MACROD2: variants seen among roughly 807,000 people sequenced by gnomAD.
MACROD2 encodes the protein mono-ADP ribosylhydrolase 2.
Under a neutral mutation model 70.4 loss-of-function variants are expected in MACROD2, and 36 were observed. The observed-to-expected ratio is 0.51, with a 90% CI of 0.39 to 0.68. MACROD2 has a LOEUF of 0.68. Among genes scored for constraint, MACROD2 ranks in the 30% least tolerant of loss-of-function variants. The pLI is 0.00. For synonymous variants in MACROD2, 172 were observed against 178.8 expected, an observed-to-expected ratio of 0.96 and a Z score of 0.30; for missense variants, 496 against 538.4, an observed-to-expected ratio of 0.92 and a Z score of 0.78.
At chr20:16,047,942 C>T (rs59959122) in intron 17 of MACROD2, among the ~76,000 whole-genome samples, 5,699 of 152,186 alleles carry the variant, frequency 0.037, 179 homozygotes, top group South Asian at 0.16. Context: ...CTTGGATCTG[C>T]GCCAGGTACT....
intron 8 of MACROD2, among the ~76,000 whole-genome samples, chr20:15,544,205 C>A (rs779854564): frequency 6.6e-6 from 1 of 152,158 alleles, no homozygotes; most frequent in Non-Finnish European, 1.5e-5. Flanking sequence ...AGTATTGATT[C>A]TTTGCCTGGA....
chr20:15,864,108 C>T (rs1162238629), intron 9 of MACROD2, among the ~76,000 whole-genome samples: 1 of 152,000 alleles, frequency 6.6e-6, no homozygotes, highest in Non-Finnish European at 1.5e-5. Flanking sequence ...CACCTTTCTT[C>T]ATTTTTTTCA....
intron 5 of MACROD2, among the ~76,000 whole-genome samples, chr20:15,199,322 A>C (rs1337235073): frequency 1.3e-5 from 2 of 152,052 alleles, no homozygotes; most frequent in African/African-American, 4.8e-5. Context: ...GCACCAATGC[A>C]CTCCAGCCTA....
At chr20:14,410,264 C>T (rs548578892) in intron 3 of MACROD2, among the ~76,000 whole-genome samples, 104 of 145,456 alleles carry the variant, frequency 7.1e-4, no homozygotes, top group South Asian at 3.5e-3. Context: ...AGGGAGTACA[C>T]GTGTAAGTCT....
intron 8 of MACROD2, among the ~76,000 whole-genome samples, chr20:15,800,037 C>T (rs2063710048): frequency 6.6e-6 from 1 of 151,924 alleles, no homozygotes; most frequent in Non-Finnish European, 1.5e-5. Flanking sequence ...CTTGATGACT[C>T]ATGATGTTGA....
intron 6 of MACROD2, among the ~76,000 whole-genome samples, chr20:15,311,442 C>G (rs755374430): frequency 6.6e-6 from 1 of 152,042 alleles, no homozygotes; most frequent in East Asian, 1.9e-4. Flanking sequence ...GATATATATC[C>G]GAAAGAAAAC....
intron 8 of MACROD2, among the ~76,000 whole-genome samples, chr20:15,629,798 G>A (rs1366296293): frequency 6.6e-6 from 1 of 152,228 alleles, no homozygotes; most frequent in Non-Finnish European, 1.5e-5. Flanking sequence ...CTGCCAGGAA[G>A]TGAAAGAGAA....
At chr20:14,784,221 T>G (rs1324856760) in intron 5 of MACROD2, among the ~76,000 whole-genome samples, 1 of 152,144 alleles carries the variant, frequency 6.6e-6, no homozygotes, top group Non-Finnish European at 1.5e-5. Flanking sequence ...GGGGACTCCC[T>G]TTCCTTTGCT....
chr20:14,041,031 G>T (rs138738386), intron 2 of MACROD2, among the ~76,000 whole-genome samples: 5 of 152,214 alleles, frequency 3.3e-5, no homozygotes, highest in South Asian at 2.1e-4. Context: ...GGTAGAATTC[G>T]CATAGTTCTC....
chr20:14,134,016 C>T (rs1378014998), intron 3 of MACROD2, among the ~76,000 whole-genome samples: 2 of 152,224 alleles, frequency 1.3e-5, no homozygotes, highest in Non-Finnish European at 2.9e-5. Context: ...CGGGATGAGC[C>T]AAGACTGTTG....
intron 6 of MACROD2, among the ~76,000 whole-genome samples, chr20:15,342,356 C>T (rs1027433682): frequency 3.9e-5 from 6 of 152,104 alleles, no homozygotes; most frequent in East Asian, 1.9e-4. Flanking sequence ...AGACTAGGAT[C>T]GGTCAACTCC....
intron 7 of MACROD2, among the ~76,000 whole-genome samples, chr20:15,463,196 T>C (rs77826942): frequency 0.042 from 6,353 of 152,270 alleles, 214 homozygotes; most frequent in Non-Finnish European, 0.058. Flanking sequence ...CTACATTCCA[T>C]GTGTCAATGC....
intron 5 of MACROD2, among the ~76,000 whole-genome samples, chr20:15,005,410 G>A (rs987079670): frequency 1.3e-5 from 2 of 152,184 alleles, no homozygotes; most frequent in African/African-American, 4.8e-5. Flanking sequence ...GTTCATAAGT[G>A]CAAGAACAGT....
chr20:15,770,084 A>ATTTTT lies in MACROD2; in HGVS notation c.646-92657_646-92656insTTTTT, dbSNP rs1234797549. On this transcript the variant is annotated intron_variant, in intron 8 of 17. Transcript: ENST00000684519. ...AAATTTATTTTTTTAATTTATTTTA[A>ATTTTT]TTTTCTTTTTTTTTTTTTTTTTTTT... is the stretch of plus-strand genomic sequence containing the variant. Among the ~76,000 whole-genome samples the ATTTTT allele has an allele frequency of 8.3e-4, 104 of 125,718 alleles. 3 individuals are homozygous for ATTTTT. Among genetic ancestry groups the ATTTTT allele is most frequent in the African/African-American group, 3.0e-3 (93 of 30,706 alleles). 82.5% of individuals were successfully genotyped at this position (125,718 alleles called of 152,430 possible). A position where few individuals can be genotyped will look rare whatever the true frequency, so the allele number is the denominator to read the frequency against.
intron 8 of MACROD2, among the ~76,000 whole-genome samples, chr20:15,511,579 CAT>C (rs1486451946): frequency 6.6e-6 from 1 of 152,224 alleles, no homozygotes; most frequent in African/African-American, 2.4e-5. Flanking sequence ...AAATTTTGCT[CAT>C]GTGAAATTTT....
intron 4 of MACROD2, among the ~76,000 whole-genome samples, chr20:14,654,870 C>T (rs997422084): frequency 5.3e-5 from 8 of 152,094 alleles, no homozygotes; most frequent in African/African-American, 1.9e-4. Context: ...ACTACAATAC[C>T]TTTGGAGGTC....
chr20:15,317,225 T>G (rs1261673092), intron 6 of MACROD2, among the ~76,000 whole-genome samples: 3 of 151,948 alleles, frequency 2.0e-5, no homozygotes, highest in African/African-American at 4.8e-5. Context: ...ATAAATGAAA[T>G]AGAGGATAGA....
At position 14,756,914 on chromosome 20, in the gene MACROD2, C is replaced by T. The variant is rs2071948749; in HGVS notation, c.418+71955C>T. On this transcript the variant is annotated intron_variant, in intron 5 of 17. Coordinates refer to ENST00000684519, the MANE Select transcript of MACROD2 (RefSeq NM_001351661.2). ...GGTCTTATAAGGGGCTTCCCCTTGG[C>T]TCTTTTCTCATTCTTCTCTCTCCTG... 2.0e-5 allele frequency among the ~76,000 whole-genome samples: 3 copies of T among 152,028 alleles called. No homozygotes were observed. In the South Asian group the frequency reaches 6.2e-4, roughly 31 times the overall value.
chr20:15,087,876 GA>G (rs1414670034), intron 5 of MACROD2, among the ~76,000 whole-genome samples: 1 of 151,730 alleles, frequency 6.6e-6, no homozygotes, highest in Non-Finnish European at 1.5e-5. Flanking sequence ...ATATACAGAA[GA>G]AAAAAATTTT....
Sources: gnomAD v4.1 joint callset for allele counts (sites outside exome capture counted in the v4.1 genomes callset) on GRCh38, gnomAD v4.1.1 for gene constraint, MANE v1.5 for transcripts, NCBI Gene and HGNC (gene_info 2026-07-23, HGNC 2026-07-21) for gene names.